Variants in PLEKHH2 observed in about 807,000 individuals in gnomAD.
The protein encoded by PLEKHH2 is pleckstrin homology domain-containing family H member 2.
In PLEKHH2, 129 loss-of-function variants were observed where a neutral mutation model predicts 187.9. The ratio of observed to expected loss-of-function variants is 0.69; its 90% CI spans 0.59 to 0.79. PLEKHH2 has a LOEUF of 0.79. PLEKHH2 is among the 30% of genes least tolerant of loss of function. The pLI, the probability that PLEKHH2 is intolerant of heterozygous loss-of-function variation, is 0.00. For synonymous variants in PLEKHH2, 686 were observed against 605.6 expected (o/e 1.13, Z -1.95); for missense variants, 2,076 against 1,751.2 (o/e 1.19, Z -3.31).
chr2:43,685,244 C>G (rs1008648665), intron 3 of PLEKHH2, among the ~76,000 whole-genome samples: 4 of 152,194 alleles, frequency 2.6e-5, no homozygotes, highest in Non-Finnish European at 4.4e-5. Context: ...AAAAGCAGTA[C>G]TCAGCTAAAG....
rs577636183 is a variant in PLEKHH2 at position 43,755,099 on chromosome 2, C to T, written c.3795+1339C>T. On this transcript the variant is annotated intron_variant, in intron 25 of 29. Coordinates refer to ENST00000282406, the MANE Select transcript of PLEKHH2 (RefSeq NM_172069.4). ...TGTTGGCCAGGCTAGTCTCGAACTC[C>T]TGACCTCAAGTGATCCACCTGCCTT... 3.9e-5 allele frequency among the ~76,000 whole-genome samples: 6 copies of T among 152,194 alleles called. No individual in the cohort carries two copies. In the South Asian group the frequency reaches 6.2e-4, roughly 16 times the overall value.
At chr2:43,689,014 A>G (rs1220214525) in intron 3 of PLEKHH2, among the ~76,000 whole-genome samples, 2 of 152,194 alleles carry the variant, frequency 1.3e-5, no homozygotes, top group Non-Finnish European at 2.9e-5. Flanking sequence ...GAACACAAAA[A>G]CAGGCACTCA....
chr2:43,693,349 A>G (rs1482914210), intron 4 of PLEKHH2, among the ~76,000 whole-genome samples: 3 of 152,240 alleles, frequency 2.0e-5, no homozygotes, highest in Non-Finnish European at 2.9e-5. Flanking sequence ...TTTATAGAAC[A>G]TTACATTTTA....
chr2:43,663,910 G>C (rs1667103595), intron 2 of PLEKHH2, among the ~76,000 whole-genome samples: 1 of 110,784 alleles, frequency 9.0e-6, no homozygotes, highest in South Asian at 3.2e-4. Flanking sequence ...GTCAATTTTG[G>C]AATAGGTGTG....
intron 1 of PLEKHH2, among the ~76,000 whole-genome samples, chr2:43,641,522 GCTAC>G (rs1189851576): frequency 1.3e-5 from 2 of 151,614 alleles, no homozygotes; most frequent in Non-Finnish European, 2.9e-5. Flanking sequence ...TAGCTCATCA[GCTAC>G]CTTTAGTGTT....
chr2:43,764,509 T>C, intron 29 of PLEKHH2, 144 bp downstream of exon 29: 1 of 819,778 alleles, frequency 1.2e-6, no homozygotes, highest in South Asian at 2.0e-5. Context: ...AAACAGACGT[T>C]ATTTATAGTC....
chr2:43,687,108 C>T (rs1326615117), intron 3 of PLEKHH2, among the ~76,000 whole-genome samples: 1 of 152,268 alleles, frequency 6.6e-6, no homozygotes, highest in African/African-American at 2.4e-5. Context: ...AGGCAGTGAA[C>T]ATAGTACCCA....
intron 2 of PLEKHH2, among the ~76,000 whole-genome samples, chr2:43,646,645 T>C (rs1666197431): frequency 6.6e-6 from 1 of 152,164 alleles, no homozygotes; most frequent in African/African-American, 2.4e-5. Context: ...ATTTTAAAAA[T>C]AATAAAAGTG....
intron 2 of PLEKHH2, among the ~76,000 whole-genome samples, chr2:43,667,178 T>G (rs1482038139): frequency 1.1e-4 from 16 of 150,756 alleles, no homozygotes; most frequent in Admixed American, 9.9e-4. Flanking sequence ...AAATGTCATG[T>G]GGCTATTTCT....
At chr2:43,679,671 T>C (rs931236169) in intron 3 of PLEKHH2, 2 of 201,878 alleles carry the variant, frequency 9.9e-6, no homozygotes, top group South Asian at 6.3e-5. Flanking sequence ...AATTTTTATA[T>C]TGTTAGTAGA....
chr2:43,720,212 A>T (rs1002530089), intron 15 of PLEKHH2, among the ~76,000 whole-genome samples: 1 of 152,050 alleles, frequency 6.6e-6, no homozygotes, highest in African/African-American at 2.4e-5. Context: ...CATAGTAAAC[A>T]TTCGTTGTAT....
At chr2:43,712,075 A>G (rs1669993553) in intron 14 of PLEKHH2, 150 bp from the exon 15 acceptor site, 1 of 1,300,376 alleles carries the variant, frequency 7.7e-7, no homozygotes, top group Non-Finnish European at 1.0e-6. Flanking sequence ...ATTCTAACTG[A>G]TATGGAGTCA....
At chr2:43,724,074 G>A (rs1558565891) in intron 16 of PLEKHH2, among the ~76,000 whole-genome samples, 2 of 148,404 alleles carry the variant, frequency 1.3e-5, no homozygotes, top group East Asian at 3.9e-4. Context: ...TAATAGAAAA[G>A]TAACATTGCC....
At chr2:43,678,739 T>TGGAGGG in intron 2 of PLEKHH2, 124 bp from the exon 3 acceptor site, 2 of 580,740 alleles carry the variant, frequency 3.4e-6, no homozygotes, top group Non-Finnish European at 3.1e-6. Flanking sequence ...GAGGTGGAAG[T>TGGAGGG]GGAGGTGGAG....
intron 27 of PLEKHH2, among the ~76,000 whole-genome samples, chr2:43,761,631 G>C (rs569965052): frequency 1.3e-5 from 2 of 151,948 alleles, no homozygotes; most frequent in South Asian, 4.2e-4. Flanking sequence ...GGCTGGTCTC[G>C]AACTCCTGGC....
In PLEKHH2 at chr2:43,678,875, G is replaced by C. The variant is rs1425684686; in HGVS notation, c.136G>C (p.Glu46Gln). The change falls in exon 3 of 30, where the codon GAG becomes CAG. Residue 46 changes from glutamate (E) to glutamine (Q), a missense_variant. By Grantham distance (29) the Glu-to-Gln change is conservative (BLOSUM62 2). Transcript: ENST00000282406. Reference sequence around the variant, plus strand: ...CCTCACTCTACAGATGCAACAGCTTGAGAGACAAGTTATTGATGCTGAACG... The same window carrying C: ...CCTCACTCTACAGATGCAACAGCTTCAGAGACAAGTTATTGATGCTGAACG... ...ELLAEKMQQL[E>Q]RQVIDAERQA... is the part of the protein sequence containing the mutation. 1 of 1,605,598 alleles carries C rather than the reference G, an allele frequency of 6.2e-7. No homozygotes were observed. The highest frequency in any genetic ancestry group is 1.7e-5 in the Admixed American group (1 of 59,934).
At chr2:43,756,491 A>C (rs1158966922) in intron 25 of PLEKHH2, among the ~76,000 whole-genome samples, 2 of 152,022 alleles carry the variant, frequency 1.3e-5, no homozygotes, top group Middle Eastern at 3.2e-3. Flanking sequence ...ATTTCATCTT[A>C]TTATCAGCAA....
chr2:43,742,948 C>A (rs959034382), intron 22 of PLEKHH2, 30 bp downstream of exon 22: 4 of 1,449,794 alleles, frequency 2.8e-6, no homozygotes, highest in Non-Finnish European at 3.7e-6. Context: ...TATGCTTAGC[C>A]AACAATCCTA....
chr2:43,657,272 C>T lies in PLEKHH2; in HGVS notation c.123+12476C>T, dbSNP rs150307938. Among the ~76,000 whole-genome samples the T allele has an allele frequency of 2.7e-3, 408 of 152,258 alleles. 2 individuals carry two copies. Among genetic ancestry groups the T allele is most frequent in the African/African-American group, 9.3e-3 (386 of 41,536 alleles). On this transcript the variant is annotated intron_variant, in intron 2 of 29. Transcript: ENST00000282406. ...TAGGTCTCCTGGCCTCCCATCTCAGCCCTCCTAGTAGTTGGGATTACAGGT... is the reference window on the plus strand; with the variant it reads ...TAGGTCTCCTGGCCTCCCATCTCAGTCCTCCTAGTAGTTGGGATTACAGGT...
Sources: allele counts gnomAD v4.1 joint callset (sites outside exome capture counted in the v4.1 genomes callset), GRCh38; gene constraint gnomAD v4.1.1; transcripts MANE v1.5; gene names NCBI Gene and HGNC (gene_info 2026-07-23, HGNC 2026-07-21).